Variants in HDAC9 observed in about 807,000 individuals in gnomAD.
The protein encoded by HDAC9 is histone deacetylase 9.
Under a neutral mutation model 139.4 loss-of-function variants are expected in HDAC9, and 41 were observed. The ratio of observed to expected loss-of-function variants is 0.29; its 90% CI spans 0.23 to 0.38. HDAC9 has a LOEUF of 0.38. Among genes scored for constraint, HDAC9 ranks in the 10% least tolerant of loss-of-function variants. The pLI is 1.00. For missense variants in HDAC9, 1,147 were observed against 1,297.0 expected (o/e 0.88, Z 1.78); for synonymous variants, 517 against 476.2 (o/e 1.09, Z -1.12).
intron 1 of HDAC9, among the ~76,000 whole-genome samples, chr7:18,481,511 A>G (rs866285892): frequency 1.8e-4 from 27 of 152,304 alleles, no homozygotes; most frequent in Middle Eastern, 3.4e-3. Context: ...ACTATGGGTT[A>G]TGGTTATAAG....
At position 18,217,248 on chromosome 7, in the gene HDAC9, T is replaced by C. The variant is rs1176377190; in HGVS notation, c.25+54899T>C. ...TCTTTATAATTCTTTTATTCTTTTCTGTGTTTTTCATCCCCCTTTTGTTAC... is the reference window on the plus strand; with the variant it reads ...TCTTTATAATTCTTTTATTCTTTTCCGTGTTTTTCATCCCCCTTTTGTTAC... On this transcript the variant is annotated intron_variant, in intron 2 of 12. Transcript: ENST00000417496. Among the ~76,000 whole-genome samples the C allele has an allele frequency of 2.0e-5, 3 of 152,116 alleles. No individual in the cohort carries two copies. In the East Asian group the frequency reaches 5.8e-4, roughly 29 times the overall value.
chr7:18,950,621 G>T (rs1782725561), intron 23 of HDAC9, among the ~76,000 whole-genome samples: 1 of 151,942 alleles, frequency 6.6e-6, no homozygotes, highest in Admixed American at 6.6e-5. Flanking sequence ...AATAGAGAGT[G>T]GGATAAAAAT....
At chr7:18,341,557 G>C (rs1782012740) in intron 1 of HDAC9, among the ~76,000 whole-genome samples, 1 of 151,570 alleles carries the variant, frequency 6.6e-6, no homozygotes, top group African/African-American at 2.4e-5. Context: ...TTATCTGACA[G>C]GTTATAGTTT....
intron 2 of HDAC9, among the ~76,000 whole-genome samples, chr7:18,539,541 CTTTGT>C (rs1812038695): frequency 6.6e-6 from 1 of 152,142 alleles, no homozygotes; most frequent in South Asian, 2.1e-4. Context: ...ACGTTAATTT[CTTTGT>C]TTTAACAAAT....
chr7:18,569,718 G>T (rs1430382245), intron 2 of HDAC9, among the ~76,000 whole-genome samples: 4 of 152,098 alleles, frequency 2.6e-5, no homozygotes, highest in Non-Finnish European at 5.9e-5. Context: ...TTAATGCACA[G>T]ATATTTATTT....
chr7:18,282,816 G>A (rs1797186842), intron 2 of HDAC9, among the ~76,000 whole-genome samples: 3 of 151,986 alleles, frequency 2.0e-5, no homozygotes, highest in Admixed American at 2.0e-4. Context: ...GAACTAGCTA[G>A]AGCCCAGGAC....
At chr7:18,458,730 C>A (rs1411503664) in intron 1 of HDAC9, 2 of 680,676 alleles carry the variant, frequency 2.9e-6, no homozygotes, top group African/African-American at 1.8e-5. Context: ...AAGCTGTAGA[C>A]CTCTACTCAG....
chr7:18,458,874 T>C, intron 1 of HDAC9: 1 of 1,534,982 alleles, frequency 6.5e-7, no homozygotes, highest in Non-Finnish European at 8.7e-7. Context: ...ATGGGTGCTA[T>C]TCTGTGGCTG....
Position 18,591,507 on chromosome 7 carries a change from GTATT to G in HDAC9, c.416-7_416-4del. 6.5e-7 allele frequency: 1 copy of G among 1,533,734 alleles called. No individual in the cohort carries two copies. The highest frequency in any genetic ancestry group is 1.2e-5 in the South Asian group (1 of 82,616). On this transcript the variant is annotated splice_region_variant and splice_polypyrimidine_tract_variant and intron_variant, in intron 4 of 25. Coordinates refer to ENST00000686413, the MANE Select transcript of HDAC9 (RefSeq NM_178425.4). ...TGTGTGTGTGTGTGTGTGTGTGTGT[GTATT>G]TCAGGGGCAGTGGCAAGTACAGAAG... is the stretch of plus-strand genomic sequence containing the variant.
At chr7:18,756,609 C>G (rs1788898043) in intron 14 of HDAC9, among the ~76,000 whole-genome samples, 3 of 152,202 alleles carry the variant, frequency 2.0e-5, no homozygotes, top group African/African-American at 7.2e-5. Context: ...AAGGTTATTT[C>G]ACATAGAATC....
chr7:18,806,072 A>G (rs74616278), intron 17 of HDAC9, among the ~76,000 whole-genome samples: 2,434 of 152,256 alleles, frequency 0.016, 60 homozygotes, highest in African/African-American at 0.056. Flanking sequence ...ACTTTTTAAC[A>G]TCTAAAAATG....
At chr7:18,328,346 C>T (rs757483158) in intron 1 of HDAC9, among the ~76,000 whole-genome samples, 12 of 137,590 alleles carry the variant, frequency 8.7e-5, no homozygotes, top group Non-Finnish European at 1.8e-4. Context: ...CAGACACTTA[C>T]GGGGTTAGGA....
chr7:18,705,693 A>C (rs1406717712), intron 12 of HDAC9, among the ~76,000 whole-genome samples: 1 of 151,786 alleles, frequency 6.6e-6, no homozygotes, highest in Non-Finnish European at 1.5e-5. Flanking sequence ...TCTACTAAAA[A>C]AATACAAAAA....
intron 2 of HDAC9, among the ~76,000 whole-genome samples, chr7:18,506,558 C>T (rs1056273558): frequency 3.3e-5 from 5 of 150,962 alleles, no homozygotes; most frequent in Non-Finnish European, 5.9e-5. Flanking sequence ...AAATTCTATT[C>T]AATTTCTCAA....
At chr7:18,486,905 A>C (rs762105526) in intron 1 of HDAC9, among the ~76,000 whole-genome samples, 1 of 152,096 alleles carries the variant, frequency 6.6e-6, no homozygotes, top group Non-Finnish European at 1.5e-5. Context: ...TTAGTTATCA[A>C]ATGTTTTATC....
At position 18,873,037 on chromosome 7, in the gene HDAC9, A is replaced by G. The variant is rs185263336; in HGVS notation, c.2685-1441A>G. The stretch of plus-strand genomic sequence containing the variant: ...TTGGAAAAACTTGTTTCAATCTCTA[A>G]TATCCCAACATACACCACAATACTA... On this transcript the variant is annotated intron_variant, in intron 21 of 25. Transcript: ENST00000686413. Among the ~76,000 whole-genome samples the G allele has an allele frequency of 4.1e-4, 62 of 152,236 alleles. No individual in the cohort carries two copies. The East Asian group carries it at 0.011, about 27-fold the overall frequency.
intron 1 of HDAC9, among the ~76,000 whole-genome samples, chr7:18,326,415 G>A (rs369185626): frequency 1.3e-5 from 2 of 152,008 alleles, no homozygotes; most frequent in East Asian, 3.9e-4. Flanking sequence ...CACATATTCA[G>A]AAATATTTAT....
chr7:18,678,156 C>A (rs1331036062), intron 12 of HDAC9, among the ~76,000 whole-genome samples: 2 of 151,796 alleles, frequency 1.3e-5, no homozygotes, highest in Non-Finnish European at 2.9e-5. Context: ...TTCCATTGAT[C>A]TCTGTCTTTA....
At chr7:18,658,898 G>GCAAAAAAAAAAAAAAAAA (rs1792167454) in intron 11 of HDAC9, among the ~76,000 whole-genome samples, 1 of 95,008 alleles carries the variant, frequency 1.1e-5, no homozygotes, top group African/African-American at 5.7e-5. Flanking sequence ...GAAAAAAAAA[G>GCAAAAAAAAAAAAAAAAA]CAAAAAAAAA....
Sources: allele counts gnomAD v4.1 joint callset (sites outside exome capture counted in the v4.1 genomes callset), GRCh38; gene constraint gnomAD v4.1.1; transcripts MANE v1.5; gene names NCBI Gene and HGNC (gene_info 2026-07-23, HGNC 2026-07-21).